Variants in TECR observed in about 807,000 individuals in gnomAD.
TECR encodes very-long-chain enoyl-CoA reductase.
A neutral mutation model predicts 50.6 loss-of-function variants in TECR; 19 were observed. The ratio of observed to expected loss-of-function variants is 0.38; its 90% CI spans 0.26 to 0.55. TECR has a LOEUF of 0.55. Ranked by LOEUF, TECR falls within the 20% of genes least tolerant of loss-of-function variation. The probability of loss-of-function intolerance (pLI) is 0.79; values close to 1 mark genes in which losing one functional copy is unlikely to be tolerated. For missense variants in TECR, 313 were observed against 408.3 expected (o/e 0.77, Z 2.01); for synonymous variants, 168 against 163.5 (o/e 1.03, Z -0.21).
Position 14,534,423 on chromosome 19 carries a change from C to CTTTTTTTTT in TECR, c.15+4734_15+4742dup, listed in dbSNP as rs756051119. The stretch of plus-strand genomic sequence containing the variant: ...ACAGGAGTGAGCCACCATGCCTGGC[C>CTTTTTTTTT]TTTTTTTTTTTTTTTTTTTTTTTTT... On this transcript the variant is annotated intron_variant, in intron 1 of 12. Coordinates refer to ENST00000215567, the MANE Select transcript of TECR (RefSeq NM_138501.6). 3.8e-5 allele frequency among the ~76,000 whole-genome samples: 2 copies of CTTTTTTTTT among 52,452 alleles called. 1 individual carries two copies. Among genetic ancestry groups the CTTTTTTTTT allele is most frequent in the African/African-American group, 1.9e-4 (2 of 10,684 alleles). The allele number at this position is 52,452 out of a possible 152,430, so 34.4% of individuals were successfully genotyped here.
chr19:14,537,190 G>A (rs2072931722), intron 1 of TECR, among the ~76,000 whole-genome samples: 1 of 128,266 alleles, frequency 7.8e-6, no homozygotes, highest in Non-Finnish European at 1.7e-5. Flanking sequence ...AGGGGAGGCC[G>A]AGGGGGAGGA....
At chr19:14,546,455 C>T (rs1055746601) in intron 1 of TECR, among the ~76,000 whole-genome samples, 3 of 152,090 alleles carry the variant, frequency 2.0e-5, no homozygotes, top group African/African-American at 7.2e-5. Flanking sequence ...GGTGCAGTGG[C>T]ACGTGTCTGT....
At chr19:14,555,510 A>G (rs1290328987) in intron 1 of TECR, among the ~76,000 whole-genome samples, 6 of 139,930 alleles carry the variant, frequency 4.3e-5, no homozygotes, top group Non-Finnish European at 1.5e-5. Flanking sequence ...CAGTGGTGCA[A>G]TCTTGGCTCA....
chr19:14,533,462 TC>T (rs1466782700), intron 1 of TECR, among the ~76,000 whole-genome samples: 5 of 151,988 alleles, frequency 3.3e-5, no homozygotes, highest in Middle Eastern at 3.4e-3. Flanking sequence ...TGGGACTAAA[TC>T]CATCTTCCCA....
chr19:14,533,343 C>T (rs1336342993), intron 1 of TECR, among the ~76,000 whole-genome samples: 1 of 151,632 alleles, frequency 6.6e-6, no homozygotes, highest in East Asian at 1.9e-4. Flanking sequence ...TCACTTCAAC[C>T]TGGGAGGTGG....
chr19:14,545,253 T>C, intron 1 of TECR: 1 of 455,646 alleles, frequency 2.2e-6, no homozygotes, highest in South Asian at 1.6e-5. Flanking sequence ...ATTTACTCTG[T>C]TCCAGCCTCC....
intron 1 of TECR, chr19:14,536,638 T>A (rs947605897): frequency 6.6e-6 from 1 of 152,236 alleles, no homozygotes; most frequent in East Asian, 1.9e-4. Flanking sequence ...TGGCTGATGG[T>A]GTGCATCTTC....
At position 14,565,059 on chromosome 19, in the gene TECR, C is replaced by CT; in HGVS notation, c.607-6dup. 1.2e-6 allele frequency: 2 copies of CT among 1,613,916 alleles called. No individual in the cohort carries two copies. Among genetic ancestry groups the CT allele is most frequent in the Non-Finnish European group, 8.5e-7 (1 of 1,180,028 alleles). On this transcript the variant is annotated splice_polypyrimidine_tract_variant and splice_region_variant and intron_variant, in intron 9 of 12. Coordinates refer to ENST00000215567, the MANE Select transcript of TECR (RefSeq NM_138501.6). ...GCGGCCCTAGGCTGATCCTGCTTCTCTGACAGATCTGCCAGCTCGGCAACT... is the reference window on the plus strand; with the variant it reads ...GCGGCCCTAGGCTGATCCTGCTTCTCTTGACAGATCTGCCAGCTCGGCAACT...
chr19:14,538,536 CT>C (rs5827232), intron 1 of TECR, among the ~76,000 whole-genome samples: 104,563 of 136,702 alleles, frequency 0.76, 40,281 homozygotes, highest in Middle Eastern at 0.86. Context: ...TCTTTTTTTT[CT>C]TTTTTTTTTT....
chr19:14,531,268 C>CTTG (rs1282700635), intron 1 of TECR: 1 of 151,554 alleles, frequency 6.6e-6, no homozygotes, highest in Non-Finnish European at 1.5e-5. Context: ...AACTCTTGAC[C>CTTG]TCAAGTGATT....
At position 14,564,215 on chromosome 19, in the gene TECR, C is replaced by A. The variant is rs1453097766; in HGVS notation, c.417C>A (p.Ile139=). Residue 139 remains isoleucine (I), a synonymous_variant, in exon 7 of 13, where the codon ATC becomes ATA. Transcript: ENST00000215567. ...GCATCTGTCACTCATTCCACTACATCAAGCGCCTGCTGGAGACGCTCTTCG... is the reference window on the plus strand; with the variant it reads ...GCATCTGTCACTCATTCCACTACATAAAGCGCCTGCTGGAGACGCTCTTCG... ...LACICHSFHY[I]KRLLETLFVH... 5.0e-6 allele frequency: 8 copies of A among 1,608,176 alleles called. No homozygotes were observed. Among genetic ancestry groups the A allele is most frequent in the Non-Finnish European group, 6.8e-6 (8 of 1,179,856 alleles).
At chr19:14,530,918 C>G (rs550119095) in intron 1 of TECR, 1 of 152,204 alleles carries the variant, frequency 6.6e-6, no homozygotes, top group African/African-American at 2.4e-5. Flanking sequence ...AAGCTGTAGA[C>G]GTTAAATACT....
intron 1 of TECR, among the ~76,000 whole-genome samples, chr19:14,546,345 G>A (rs1360087214): frequency 1.3e-5 from 2 of 151,884 alleles, no homozygotes; most frequent in African/African-American, 4.8e-5. Context: ...TCAGCACTTT[G>A]GAAGGCTGAG....
At chr19:14,553,224 C>T (rs979275820) in intron 1 of TECR, among the ~76,000 whole-genome samples, 11 of 152,282 alleles carry the variant, frequency 7.2e-5, no homozygotes, top group Admixed American at 2.6e-4. Flanking sequence ...ACAGCAGCTC[C>T]AGCTTCTCCG....
chr19:14,549,073 A>G (rs2073400326), intron 1 of TECR, among the ~76,000 whole-genome samples: 1 of 152,112 alleles, frequency 6.6e-6, no homozygotes, highest in Admixed American at 6.6e-5. Flanking sequence ...TTAAAAGATA[A>G]AACAAAAGTT....
At chr19:14,554,938 C>A (rs893045416) in intron 1 of TECR, among the ~76,000 whole-genome samples, 11 of 151,738 alleles carry the variant, frequency 7.2e-5, no homozygotes, top group Admixed American at 7.2e-4. Flanking sequence ...GCCACCATGC[C>A]CAGCTAATTT....
At chr19:14,550,330 G>C (rs1016461909) in intron 1 of TECR, among the ~76,000 whole-genome samples, 1 of 152,142 alleles carries the variant, frequency 6.6e-6, no homozygotes, top group South Asian at 2.1e-4. Context: ...AGCCTGCCAC[G>C]TAGATCCCAG....
chr19:14,545,725 ACAGACAC>A (rs1459310034), intron 1 of TECR: 1 of 161,052 alleles, frequency 6.2e-6, no homozygotes, highest in Non-Finnish European at 1.4e-5. Flanking sequence ...TTTGGGAGTG[ACAGACAC>A]CCCTGCACAC....
chr19:14,529,915 C>T (rs1470362373), intron 1 of TECR: 1 of 737,068 alleles, frequency 1.4e-6, no homozygotes, highest in African/African-American at 1.8e-5. Flanking sequence ...ATCTGCAACC[C>T]AGGCTGTTTT....
Sources: allele counts gnomAD v4.1 joint callset (sites outside exome capture counted in the v4.1 genomes callset), GRCh38; gene constraint gnomAD v4.1.1; transcripts MANE v1.5; gene names NCBI Gene and HGNC (gene_info 2026-07-23, HGNC 2026-07-21).